The following PTN variants were observed in gnomAD, a reference collection of about 807,000 sequenced individuals.
PTN encodes pleiotrophin, also known as heparin affin regulatory protein.
PTN carries 18 observed loss-of-function variants against 24.1 expected under a neutral mutation model. The ratio of observed to expected loss-of-function variants is 0.75; its 90% CI spans 0.52 to 1.11. The LOEUF (loss-of-function observed/expected upper bound fraction) is 1.11, where lower values mean the gene tolerates loss of function less well. Ranked by LOEUF, PTN falls within the 50% of genes least tolerant of loss-of-function variation. The pLI is 0.00. For synonymous variants in PTN, 78 were observed against 68.6 expected (o/e 1.14, Z -0.67); for missense variants, 163 against 198.8 (o/e 0.82, Z 1.08).
intron 1 of PTN, among the ~76,000 whole-genome samples, chr7:137,258,356 G>T (rs1480957207): frequency 6.6e-6 from 1 of 152,132 alleles, no homozygotes; most frequent in Non-Finnish European, 1.5e-5. Flanking sequence ...GTAAATGGTG[G>T]ATTTCAGCAC....
At chr7:137,322,328 T>A (rs1378240174) in intron 1 of PTN, among the ~76,000 whole-genome samples, 1 of 152,196 alleles carries the variant, frequency 6.6e-6, no homozygotes, top group Non-Finnish European at 1.5e-5. Flanking sequence ...TAGCCCATTT[T>A]AAAAATATAA....
At chr7:137,311,179 C>T (rs1809975237) in intron 1 of PTN, among the ~76,000 whole-genome samples, 1 of 147,694 alleles carries the variant, frequency 6.8e-6, no homozygotes, top group South Asian at 2.1e-4. Flanking sequence ...TTGCAGTGAG[C>T]TGAGATCATG....
chr7:137,236,371 C>T, intron 4 of PTN: 1 of 660,068 alleles, frequency 1.5e-6, no homozygotes, highest in African/African-American at 1.8e-5. Context: ...GGGATCAGTC[C>T]CTGATCTGAC....
chr7:137,268,645 A>T (rs1809207809), intron 1 of PTN, among the ~76,000 whole-genome samples: 1 of 152,200 alleles, frequency 6.6e-6, no homozygotes. Context: ...TGTAGATAAC[A>T]ACAGTTGCCA....
chr7:137,285,244 T>C (rs796528874), intron 1 of PTN, among the ~76,000 whole-genome samples: 1 of 152,208 alleles, frequency 6.6e-6, no homozygotes, highest in African/African-American at 2.4e-5. Flanking sequence ...CATGCATAGA[T>C]AATAGGATAC....
At chr7:137,299,440 G>C (rs1276790503) in intron 1 of PTN, among the ~76,000 whole-genome samples, 1 of 151,890 alleles carries the variant, frequency 6.6e-6, no homozygotes, top group Non-Finnish European at 1.5e-5. Flanking sequence ...CATTAGGCCA[G>C]GTTCATAAGG....
In PTN at chr7:137,342,794, T is replaced by A. The variant is rs117506098; in HGVS notation, c.-2+645A>T. ...TACTGGGCAGTTCTTTAAATTTGCA[T>A]TCAAATGAGAGATGGGACTCCAGGT... On this transcript the variant is annotated intron_variant, in intron 1 of 4. Transcript: ENST00000348225. 2.2e-4 allele frequency among the ~76,000 whole-genome samples: 33 copies of A among 152,304 alleles called. No individual in the cohort carries two copies. The East Asian group carries it at 6.0e-3, about 28-fold the overall frequency.
chr7:137,291,216 T>C (rs1809634636), intron 1 of PTN, among the ~76,000 whole-genome samples: 1 of 152,190 alleles, frequency 6.6e-6, no homozygotes, highest in South Asian at 2.1e-4. Context: ...ACATATGCAA[T>C]ATGCCCATTT....
intron 1 of PTN, among the ~76,000 whole-genome samples, chr7:137,311,951 T>C (rs1809989274): frequency 7.8e-6 from 1 of 128,378 alleles, no homozygotes; most frequent in South Asian, 2.1e-4. Flanking sequence ...AGATCTTCCA[T>C]CTGTAAAATA....
At position 137,324,417 on chromosome 7, in the gene PTN, T is replaced by TAA. The variant is rs1366943397; in HGVS notation, c.-2+19020_-2+19021dup. On this transcript the variant is annotated intron_variant, in intron 1 of 4. Coordinates refer to ENST00000348225, the MANE Select transcript of PTN (RefSeq NM_002825.7). ...GGGCAGCACAGCGAGACCCTGTCTC[T>TAA]AAAAAAAAAAAAAAAAATATATATA... Among the ~76,000 whole-genome samples, 324 of 63,460 alleles carry TAA rather than the reference T, an allele frequency of 5.1e-3. 7 individuals carry two copies. The highest frequency in any genetic ancestry group is 7.4e-3 in the Middle Eastern group (1 of 136). 41.6% of individuals were successfully genotyped at this position (63,460 alleles called of 152,430 possible). A position where few individuals can be genotyped will look rare whatever the true frequency, so the allele number is the denominator to read the frequency against.
intron 1 of PTN, among the ~76,000 whole-genome samples, chr7:137,316,759 C>A (rs1038839467): frequency 6.6e-6 from 1 of 152,200 alleles, no homozygotes; most frequent in African/African-American, 2.4e-5. Context: ...CAGAGCATTA[C>A]CTTTCCAGCA....
chr7:137,279,341 T>C (rs1401622430), intron 1 of PTN, among the ~76,000 whole-genome samples: 1 of 152,128 alleles, frequency 6.6e-6, no homozygotes, highest in African/African-American at 2.4e-5. Context: ...TAGAGGAAAA[T>C]ATTTGATCAC....
At chr7:137,237,245 T>C (rs1262620800) in intron 4 of PTN, among the ~76,000 whole-genome samples, 2 of 151,968 alleles carry the variant, frequency 1.3e-5, no homozygotes, top group Non-Finnish European at 2.9e-5. Flanking sequence ...CACAGACACA[T>C]ATAGTGAGGA....
chr7:137,306,281 C>T (rs1409687630), intron 1 of PTN, among the ~76,000 whole-genome samples: 9 of 151,988 alleles, frequency 5.9e-5, no homozygotes, highest in Admixed American at 4.6e-4. Flanking sequence ...TAAGTCTCTC[C>T]GGTTGAAAGC....
intron 1 of PTN, among the ~76,000 whole-genome samples, chr7:137,278,407 G>A (rs1343538153): frequency 1.3e-5 from 2 of 148,998 alleles, no homozygotes; most frequent in Middle Eastern, 3.6e-3. Flanking sequence ...ATGCTATCTA[G>A]AAGAGATCTA....
At chr7:137,272,727 A>C (rs187228961) in intron 1 of PTN, among the ~76,000 whole-genome samples, 213 of 152,342 alleles carry the variant, frequency 1.4e-3, no homozygotes, top group African/African-American at 4.8e-3. Context: ...TAAAAAAACG[A>C]AACTAGAAAT....
intron 4 of PTN, among the ~76,000 whole-genome samples, chr7:137,250,416 C>G (rs1482086269): frequency 1.3e-5 from 2 of 152,122 alleles, no homozygotes; most frequent in Non-Finnish European, 2.9e-5. Context: ...ATAAACACAC[C>G]AGCTGCACTG....
intron 1 of PTN, among the ~76,000 whole-genome samples, chr7:137,307,755 A>G (rs1347068713): frequency 2.6e-5 from 4 of 152,148 alleles, no homozygotes; most frequent in Admixed American, 2.6e-4. Flanking sequence ...ACAAACACAA[A>G]CCAATACCAA....
rs1270301650 is a variant in PTN at position 137,253,589 on chromosome 7, C to T, written c.164G>A (p.Cys55Tyr). The T allele has an allele frequency of 6.2e-7, 1 of 1,600,752 alleles. No individual in the cohort carries two copies. The highest frequency in any genetic ancestry group is 8.5e-7 in the Non-Finnish European group (1 of 1,172,242). ...SDCGEWQWSV[C>Y]VPTSGDCGLG... Reference sequence around the variant, plus strand: ...CCCACAGTCTCCACTGGTGGGCACACACACACTCCACTGCCATTCTCCACA... The same window carrying T: ...CCCACAGTCTCCACTGGTGGGCACATACACACTCCACTGCCATTCTCCACA... The change falls in exon 3 of 5, where the codon TGT (cysteine) becomes TAT (tyrosine). Residue 55 changes from cysteine to tyrosine, a missense_variant. Transcript: ENST00000348225.
Sources: allele counts gnomAD v4.1 joint callset (sites outside exome capture counted in the v4.1 genomes callset), GRCh38; gene constraint gnomAD v4.1.1; transcripts MANE v1.5; gene names NCBI Gene and HGNC (gene_info 2026-07-23, HGNC 2026-07-21).